The following MINDY4 variants were observed in gnomAD, a reference collection of about 807,000 sequenced individuals.
MINDY4 encodes the protein MINDY lysine 48 deubiquitinase 4.
Under a neutral mutation model 87.0 loss-of-function variants are expected in MINDY4, and 68 were observed. That is an observed-to-expected ratio of 0.78 (90% CI 0.64 to 0.96). MINDY4 has a LOEUF of 0.96. MINDY4 is among the 40% of genes least tolerant of loss of function. MINDY4 has a pLI of 0.00. For synonymous variants in MINDY4, 379 were observed against 363.2 expected, an observed-to-expected ratio of 1.04 and a Z score of -0.50; for missense variants, 919 against 928.2, an observed-to-expected ratio of 0.99 and a Z score of 0.13.
chr7:30,880,428 T>G (rs765484936), intron 15 of MINDY4, among the ~76,000 whole-genome samples: 1 of 151,918 alleles, frequency 6.6e-6, no homozygotes, highest in Non-Finnish European at 1.5e-5. Flanking sequence ...AGGAAACTCA[T>G]TTATAAAGTC....
At chr7:30,792,538 AC>A (rs1268775304) in intron 5 of MINDY4, among the ~76,000 whole-genome samples, 2 of 152,130 alleles carry the variant, frequency 1.3e-5, no homozygotes, top group Admixed American at 6.5e-5. Flanking sequence ...TCAATTAAAA[AC>A]TTTTTAATTC....
chr7:30,866,368 T>C (rs1443839053), intron 13 of MINDY4, among the ~76,000 whole-genome samples: 1 of 152,182 alleles, frequency 6.6e-6, no homozygotes, highest in East Asian at 1.9e-4. Flanking sequence ...GTGGGTGGGG[T>C]GCTCACTTCC....
At chr7:30,818,035 A>G (rs577978299) in intron 5 of MINDY4, among the ~76,000 whole-genome samples, 1 of 152,294 alleles carries the variant, frequency 6.6e-6, no homozygotes, top group East Asian at 1.9e-4. Context: ...TACTGACTCT[A>G]GCAGGGATGC....
chr7:30,871,748 G>C (rs898703230), intron 13 of MINDY4, among the ~76,000 whole-genome samples: 1 of 152,214 alleles, frequency 6.6e-6, no homozygotes. Context: ...AATAATGTGC[G>C]TACAGTGCCT....
At chr7:30,851,067 C>A (rs1434991650) in intron 10 of MINDY4, among the ~76,000 whole-genome samples, 2 of 152,226 alleles carry the variant, frequency 1.3e-5, no homozygotes, top group African/African-American at 4.8e-5. Flanking sequence ...TGACCCGCAT[C>A]GTCTCTTCAC....
intron 5 of MINDY4, among the ~76,000 whole-genome samples, chr7:30,793,457 C>T (rs1254335776): frequency 6.6e-6 from 1 of 150,598 alleles, no homozygotes; most frequent in African/African-American, 2.4e-5. Flanking sequence ...ATTCTGTCAC[C>T]TAGGATGGAG....
At chr7:30,891,732 G>C (rs147986802) in intron 17 of MINDY4, among the ~76,000 whole-genome samples, 95 of 152,278 alleles carry the variant, frequency 6.2e-4, no homozygotes, top group Non-Finnish European at 1.3e-3. Context: ...ATCACCTGCC[G>C]CCTGGCCTCT....
chr7:30,850,204 C>T (rs966909643), intron 9 of MINDY4, among the ~76,000 whole-genome samples: 1 of 152,236 alleles, frequency 6.6e-6, no homozygotes, highest in Non-Finnish European at 1.5e-5. Flanking sequence ...TGGGCCCTTT[C>T]CTCTGCCTCC....
intron 5 of MINDY4, among the ~76,000 whole-genome samples, chr7:30,817,837 C>T (rs947697624): frequency 1.3e-5 from 2 of 152,220 alleles, no homozygotes; most frequent in African/African-American, 4.8e-5. Flanking sequence ...TATAATCTAA[C>T]CCTCTTGTTC....
chr7:30,853,905 C>T (rs1584318178), intron 12 of MINDY4, among the ~76,000 whole-genome samples: 1 of 152,292 alleles, frequency 6.6e-6, no homozygotes, highest in Admixed American at 6.5e-5. Context: ...GGTTGGAGGG[C>T]TTAGCAGTGT....
intron 17 of MINDY4, among the ~76,000 whole-genome samples, chr7:30,885,211 C>T (rs952539313): frequency 1.3e-5 from 2 of 152,214 alleles, no homozygotes; most frequent in African/African-American, 4.8e-5. Flanking sequence ...CTTCAAGCTT[C>T]AGGGGCATCA....
Position 30,892,064 on chromosome 7 carries a change from CA to C in MINDY4, c.*60del. The C allele has an allele frequency of 6.3e-7, 1 of 1,581,810 alleles. No individual in the cohort carries two copies. Among genetic ancestry groups the C allele is most frequent in the Non-Finnish European group, 8.7e-7 (1 of 1,150,748 alleles). ...CTCATCACCTCATCACCGAGGATGACAGCTGAACCCCAAGCCTCTGGGGCAG... is the reference window on the plus strand; with the variant it reads ...CTCATCACCTCATCACCGAGGATGACGCTGAACCCCAAGCCTCTGGGGCAG... On this transcript the variant is annotated 3_prime_UTR_variant, in exon 18 of 18. Coordinates refer to ENST00000265299, the MANE Select transcript of MINDY4 (RefSeq NM_032222.3).
chr7:30,821,353 T>A (rs980041959), intron 5 of MINDY4, among the ~76,000 whole-genome samples: 26 of 152,362 alleles, frequency 1.7e-4, no homozygotes, highest in Admixed American at 7.8e-4. Flanking sequence ...CATTTTGTTC[T>A]TACTTTTAGT....
chr7:30,821,647 C>A (rs1235505217), intron 5 of MINDY4, among the ~76,000 whole-genome samples: 1 of 152,150 alleles, frequency 6.6e-6, no homozygotes, highest in Non-Finnish European at 1.5e-5. Flanking sequence ...TCAGGTATTT[C>A]CCTTCCTAAA....
chr7:30,874,171 C>T (rs569267618), intron 14 of MINDY4, among the ~76,000 whole-genome samples: 7 of 152,266 alleles, frequency 4.6e-5, no homozygotes, highest in Non-Finnish European at 7.3e-5. Context: ...ACAGGCAGCG[C>T]CAGCTGTGGC....
intron 4 of MINDY4, among the ~76,000 whole-genome samples, chr7:30,789,510 T>C (rs1787256891): frequency 6.6e-6 from 1 of 152,210 alleles, no homozygotes; most frequent in Non-Finnish European, 1.5e-5. Flanking sequence ...ATCACTTCTG[T>C]ATTTAAGAAT....
At chr7:30,851,543 GTTAT>G in intron 10 of MINDY4, among the ~76,000 whole-genome samples, 1 of 152,154 alleles carries the variant, frequency 6.6e-6, no homozygotes, top group Non-Finnish European at 1.5e-5. Context: ...TTTAGATATC[GTTAT>G]TTGTTTTTGT....
chr7:30,872,662 C>A (rs1790141784), intron 14 of MINDY4, among the ~76,000 whole-genome samples: 1 of 152,202 alleles, frequency 6.6e-6, no homozygotes, highest in East Asian at 1.9e-4. Context: ...ACCCTGGGTC[C>A]AGCTGGGGAG....
chr7:30,886,749 T>C (rs142526753), intron 17 of MINDY4, among the ~76,000 whole-genome samples: 4 of 152,314 alleles, frequency 2.6e-5, no homozygotes, highest in African/African-American at 9.6e-5. Flanking sequence ...CCAGACCCCA[T>C]GTGTCTCTGC....
Sources: gnomAD v4.1 joint callset for allele counts (sites outside exome capture counted in the v4.1 genomes callset) on GRCh38, gnomAD v4.1.1 for gene constraint, MANE v1.5 for transcripts, NCBI Gene and HGNC (gene_info 2026-07-23, HGNC 2026-07-21) for gene names.